Variants in DGKI observed in about 807,000 individuals in gnomAD.
DGKI encodes the protein DAG kinase iota.
DGKI carries 55 observed loss-of-function variants against 147.5 expected under a neutral mutation model. The ratio of observed to expected loss-of-function variants is 0.37; its 90% CI spans 0.30 to 0.47. DGKI has a LOEUF of 0.47. DGKI is among the 20% of genes least tolerant of loss of function. The pLI is 1.00. For missense variants in DGKI, 1,007 were observed against 1,323.8 expected (o/e 0.76, Z 3.71); for synonymous variants, 469 against 477.1 (o/e 0.98, Z 0.22).
intron 32 of DGKI, among the ~76,000 whole-genome samples, chr7:137,394,017 T>C (rs1247026847): frequency 6.6e-6 from 1 of 152,202 alleles, no homozygotes; most frequent in Non-Finnish European, 1.5e-5. Context: ...GTTACAACCA[T>C]TGGCCCCAAA....
intron 1 of DGKI, among the ~76,000 whole-genome samples, chr7:137,833,295 C>T (rs143854078): frequency 3.3e-5 from 5 of 152,264 alleles, no homozygotes; most frequent in African/African-American, 1.2e-4. Flanking sequence ...GTTTATTAGA[C>T]TTACAGTTCC....
intron 1 of DGKI, among the ~76,000 whole-genome samples, chr7:137,842,257 C>T (rs1798566285): frequency 6.6e-6 from 1 of 152,208 alleles, no homozygotes; most frequent in South Asian, 2.1e-4. Flanking sequence ...TCCATTTTAT[C>T]CTACGTGGCT....
At chr7:137,582,438 A>C (rs149824870) in intron 14 of DGKI, among the ~76,000 whole-genome samples, 8,726 of 143,442 alleles carry the variant, frequency 0.061, 248 homozygotes, top group East Asian at 0.081. Context: ...CTCTCTCTAT[A>C]TATATATATA....
At chr7:137,713,628 A>T (rs1794281383) in intron 1 of DGKI, among the ~76,000 whole-genome samples, 2 of 152,128 alleles carry the variant, frequency 1.3e-5, no homozygotes, top group Non-Finnish European at 2.9e-5. Context: ...GCTGTAAGTT[A>T]ACCTACCCAA....
At chr7:137,461,214 G>A (rs565572838) in intron 27 of DGKI, among the ~76,000 whole-genome samples, 2 of 152,348 alleles carry the variant, frequency 1.3e-5, no homozygotes, top group Admixed American at 1.3e-4. Flanking sequence ...CATGGAGTCA[G>A]AAGCCAAACC....
In DGKI at chr7:137,646,687, G is replaced by T. The variant is rs1821837204; in HGVS notation, c.739-1150C>A. Reference sequence around the variant, plus strand: ...TTTATCTAATTCTAACATGTCTATTGTAGGGTCTAGCCATAACCCTTATTT... The same window carrying T: ...TTTATCTAATTCTAACATGTCTATTTTAGGGTCTAGCCATAACCCTTATTT... On this transcript the variant is annotated intron_variant, in intron 5 of 32. Transcript: ENST00000614521. Among the ~76,000 whole-genome samples, 4 of 152,104 alleles carry T rather than the reference G, an allele frequency of 2.6e-5. No individual in the cohort carries two copies. In the South Asian group the frequency reaches 8.3e-4, roughly 32 times the overall value.
chr7:137,407,272 G>A (rs1031636177), intron 30 of DGKI, among the ~76,000 whole-genome samples: 3 of 152,276 alleles, frequency 2.0e-5, no homozygotes, highest in South Asian at 2.1e-4. Context: ...ATGCTATAGC[G>A]CATGCTACTT....
chr7:137,842,355 A>G (rs1255954900), intron 1 of DGKI, among the ~76,000 whole-genome samples: 20 of 152,196 alleles, frequency 1.3e-4, no homozygotes, highest in Non-Finnish European at 1.8e-4. Context: ...CTAATCATCA[A>G]CCTATAAAGA....
chr7:137,638,580 A>G (rs1205814086), intron 6 of DGKI, among the ~76,000 whole-genome samples: 12 of 86,250 alleles, frequency 1.4e-4, no homozygotes, highest in South Asian at 4.4e-4. Context: ...ATATATGTAT[A>G]TATACACATA....
chr7:137,385,352 T>G lies in DGKI; in HGVS notation c.*5868A>C, dbSNP rs1286130212. On this transcript the variant is annotated 3_prime_UTR_variant, in exon 33 of 33. Transcript: ENST00000614521. ...AATCAAAAATCAAGATTTTCATGAGTTTTTAAAATAAAATCCTGCCATTCA... is the reference window on the plus strand; with the variant it reads ...AATCAAAAATCAAGATTTTCATGAGGTTTTAAAATAAAATCCTGCCATTCA... 3 of 152,000 alleles carry G rather than the reference T, an allele frequency of 2.0e-5. No homozygotes were observed. Among genetic ancestry groups the G allele is most frequent in the Non-Finnish European group, 4.4e-5 (3 of 67,970 alleles). The allele number at this position is 152,000 out of a possible 1,614,324, so 9.4% of individuals were successfully genotyped here.
chr7:137,731,254 T>C (rs920485664), intron 1 of DGKI, among the ~76,000 whole-genome samples: 11 of 152,092 alleles, frequency 7.2e-5, no homozygotes, highest in African/African-American at 2.7e-4. Flanking sequence ...ACTCTGCTTC[T>C]TCTGTGTTTT....
chr7:137,700,331 C>T (rs535732206), intron 1 of DGKI, among the ~76,000 whole-genome samples: 22 of 152,170 alleles, frequency 1.4e-4, no homozygotes, highest in African/African-American at 5.3e-4. Context: ...AAACCAAGGG[C>T]GTGTGGTTTT....
intron 1 of DGKI, among the ~76,000 whole-genome samples, chr7:137,838,524 T>G (rs1050023024): frequency 2.0e-5 from 3 of 152,228 alleles, no homozygotes; most frequent in African/African-American, 7.2e-5. Flanking sequence ...CAAAAATGTA[T>G]TTTTCCTTAC....
rs1282429732 is a variant in DGKI, at chr7:137,741,765, T to G, written c.402-51763A>C. ...AGATAATTCTCTCAACAAATTTGTA[T>G]GCTCACTCCAATTTCATGAATGTGC... On this transcript the variant is annotated intron_variant, in intron 1 of 32. Transcript: ENST00000614521. Among the ~76,000 whole-genome samples the G allele has an allele frequency of 2.6e-5, 4 of 152,194 alleles. No homozygotes were observed. In the East Asian group the frequency reaches 7.7e-4, roughly 29 times the overall value.
chr7:137,685,991 A>G (rs1244138918), intron 2 of DGKI, among the ~76,000 whole-genome samples: 1 of 152,158 alleles, frequency 6.6e-6, no homozygotes, highest in East Asian at 1.9e-4. Context: ...ACTGTAATCA[A>G]TTCATCCCCT....
At chr7:137,537,515 A>G (rs763278649) in intron 20 of DGKI, among the ~76,000 whole-genome samples, 47 of 152,152 alleles carry the variant, frequency 3.1e-4, no homozygotes, top group Non-Finnish European at 6.8e-4. Context: ...TAGAAATACA[A>G]TAATAATAAT....
chr7:137,633,460 GAAGT>G (rs1291886925), intron 6 of DGKI, among the ~76,000 whole-genome samples: 20 of 152,150 alleles, frequency 1.3e-4, no homozygotes, highest in African/African-American at 4.6e-4. Context: ...ACATTCTTAA[GAAGT>G]AATAGGCATT....
chr7:137,808,320 T>A (rs1797446460), intron 1 of DGKI, among the ~76,000 whole-genome samples: 1 of 152,198 alleles, frequency 6.6e-6, no homozygotes, highest in Non-Finnish European at 1.5e-5. Context: ...CATAAAATAT[T>A]TATTTCAAAA....
chr7:137,705,749 A>G (rs1262462122), intron 1 of DGKI, among the ~76,000 whole-genome samples: 1 of 152,194 alleles, frequency 6.6e-6, no homozygotes, highest in African/African-American at 2.4e-5. Context: ...ATAGACAAAT[A>G]ATAAATATTT....
Sources: gnomAD v4.1 joint callset for allele counts (sites outside exome capture counted in the v4.1 genomes callset) on GRCh38, gnomAD v4.1.1 for gene constraint, MANE v1.5 for transcripts, NCBI Gene and HGNC (gene_info 2026-07-23, HGNC 2026-07-21) for gene names.